COMT: variants seen among roughly 807,000 people sequenced by gnomAD.
COMT encodes the protein catechol O-methyltransferase.
COMT carries 13 observed loss-of-function variants against 18.9 expected under a neutral mutation model. That is an observed-to-expected ratio of 0.69 (90% CI 0.45 to 1.09). The LOEUF (loss-of-function observed/expected upper bound fraction) is 1.09, where lower values mean the gene tolerates loss of function less well. COMT is among the 50% of genes least tolerant of loss of function. The pLI is 0.00. For missense variants in COMT, 329 were observed against 361.8 expected (o/e 0.91, Z 0.73); for synonymous variants, 150 against 160.9 (o/e 0.93, Z 0.51).
At chr22:19,967,147 CTGTT>C (rs1942445147) in intron 5 of COMT, 1 of 1,299,654 alleles carries the variant, frequency 7.7e-7, no homozygotes, top group Non-Finnish European at 1.0e-6. Flanking sequence ...TCCTTCTTTC[CTGTT>C]TAACTCGTGC....
chr22:19,962,399 G>A, intron 2 of COMT, 128 bp from the exon 3 acceptor site: 1 of 1,479,784 alleles, frequency 6.8e-7, no homozygotes, highest in South Asian at 1.3e-5. Flanking sequence ...TGAGGCACAA[G>A]GCTGGCATTT....
rs766377984 is a variant in COMT, at chr22:19,962,761, A to G, written c.235A>G (p.Ile79Val). The G allele has an allele frequency of 5.6e-6, 9 of 1,612,838 alleles. No homozygotes were observed. The Middle Eastern group carries it at 4.9e-4, about 88-fold the overall frequency. ...PGNAQSVLEA[I>V]DTYCEQKEWA... Reference sequence around the variant, plus strand: ...GAACGCACAGAGCGTGCTGGAGGCCATTGACACCTACTGCGAGCAGAAGGA... The same window carrying G: ...GAACGCACAGAGCGTGCTGGAGGCCGTTGACACCTACTGCGAGCAGAAGGA... The change falls in exon 3 of 6, where the codon ATT becomes GTT. Residue 79 changes from isoleucine (I) to valine (V), a missense_variant. Ile to Val is a conservative substitution (Grantham distance 29). Transcript: ENST00000361682.
chr22:19,954,278 G>C (rs188540887), intron 1 of COMT, among the ~76,000 whole-genome samples: 3 of 149,886 alleles, frequency 2.0e-5, no homozygotes, highest in African/African-American at 4.9e-5. Context: ...GATACCAGGC[G>C]GGGGAGGCTA....
intron 1 of COMT, among the ~76,000 whole-genome samples, chr22:19,952,505 T>C (rs1941963630): frequency 6.6e-6 from 1 of 151,264 alleles, no homozygotes; most frequent in African/African-American, 2.4e-5. Flanking sequence ...CCGGGCGTGG[T>C]GGCGGGCGCC....
intron 1 of COMT, among the ~76,000 whole-genome samples, chr22:19,954,533 A>G (rs1196888542): frequency 6.6e-6 from 1 of 151,856 alleles, no homozygotes; most frequent in African/African-American, 2.4e-5. Context: ...GCTCACTGCA[A>G]CCTCCACCTC....
At chr22:19,959,799 T>G (rs174694) in intron 1 of COMT, among the ~76,000 whole-genome samples, 62 of 145,046 alleles carry the variant, frequency 4.3e-4, no homozygotes, top group African/African-American at 1.1e-3. Context: ...CACTTCCCCA[T>G]CCCCCATGGC....
intron 1 of COMT, among the ~76,000 whole-genome samples, chr22:19,947,761 G>A (rs576903692): frequency 6.6e-6 from 1 of 152,326 alleles, no homozygotes; most frequent in African/African-American, 2.4e-5. Context: ...CACTCCACAA[G>A]AGGTGGTTGA....
chr22:19,957,004 G>A (rs1942078566), intron 1 of COMT, among the ~76,000 whole-genome samples: 1 of 150,514 alleles, frequency 6.6e-6, no homozygotes. Flanking sequence ...AGGCTGGAGT[G>A]CAGTGGCGTG....
rs1015136555 is a variant in COMT, at chr22:19,956,443, C to A, written c.-91-4756C>A. On this transcript the variant is annotated intron_variant, in intron 1 of 5. Coordinates refer to ENST00000361682, the MANE Select transcript of COMT (RefSeq NM_000754.4). The stretch of plus-strand genomic sequence containing the variant: ...CCAGGCTGGAGTGCAATGGAGTGAT[C>A]TTAGCTCCCTGCAACCTCTGCCTCC... Among the ~76,000 whole-genome samples, 108 of 127,082 alleles carry A rather than the reference C, an allele frequency of 8.5e-4. 1 individual carries two copies. Among genetic ancestry groups the A allele is most frequent in the Admixed American group, 4.0e-4 (4 of 10,014 alleles). The allele number at this position is 127,082 out of a possible 152,430, so 83.4% of individuals were successfully genotyped here. A position where few individuals can be genotyped will look rare whatever the true frequency, so the allele number is the denominator to read the frequency against.
chr22:19,967,480 T>A (rs1942478786), intron 5 of COMT: 1 of 442,296 alleles, frequency 2.3e-6, no homozygotes, highest in Non-Finnish European at 4.6e-6. Flanking sequence ...TCCCCTGACC[T>A]CACTGACCTT....
At chr22:19,945,730 A>G (rs999573469) in intron 1 of COMT, among the ~76,000 whole-genome samples, 1 of 152,020 alleles carries the variant, frequency 6.6e-6, no homozygotes, top group Non-Finnish European at 1.5e-5. Context: ...CAGTGGCGTG[A>G]TCTCAGCTCA....
chr22:19,967,347 C>T lies in COMT; in HGVS notation c.616-1189C>T, dbSNP rs139797392. 126 of 594,506 alleles carry T rather than the reference C, an allele frequency of 2.1e-4. 1 individual carries two copies. In the East Asian group the frequency reaches 6.4e-3, roughly 30 times the overall value. 36.8% of individuals were successfully genotyped at this position (594,506 alleles called of 1,614,324 possible). ...AAGGCCTAGGCCATTGTCCTCCTCCCGGGTGGCGCTTTGTTCTACGTCTTT... is the reference window on the plus strand; with the variant it reads ...AAGGCCTAGGCCATTGTCCTCCTCCTGGGTGGCGCTTTGTTCTACGTCTTT... On this transcript the variant is annotated intron_variant, in intron 5 of 5. Transcript: ENST00000361682.
At position 19,969,781 on chromosome 22, in the gene COMT, G is replaced by A; in HGVS notation, c.*1045G>A. 1 of 949,862 alleles carries A rather than the reference G, an allele frequency of 1.1e-6. No homozygotes were observed. 58.8% of individuals were successfully genotyped at this position (949,862 alleles called of 1,614,324 possible). ...AGAAACAGAGCCTCTGCAGGACACAGCAGATGGGCACCTGGGACCACCTCC... is the reference window on the plus strand; with the variant it reads ...AGAAACAGAGCCTCTGCAGGACACAACAGATGGGCACCTGGGACCACCTCC... On this transcript the variant is annotated 3_prime_UTR_variant, in exon 6 of 6. Coordinates refer to ENST00000361682, the MANE Select transcript of COMT (RefSeq NM_000754.4).
intron 1 of COMT, among the ~76,000 whole-genome samples, chr22:19,950,495 G>A (rs919890458): frequency 1.3e-5 from 2 of 152,100 alleles, no homozygotes; most frequent in African/African-American, 2.4e-5. Flanking sequence ...AGACCTTTAC[G>A]ACTTGTTTTG....
In COMT at chr22:19,969,261, C is replaced by G. The variant is rs1942606935; in HGVS notation, c.*525C>G. The G allele has an allele frequency of 6.4e-6, 1 of 155,328 alleles. No homozygotes were observed. Among genetic ancestry groups the G allele is most frequent in the Non-Finnish European group, 1.4e-5 (1 of 70,070 alleles). 9.6% of individuals were successfully genotyped at this position (155,328 alleles called of 1,614,324 possible). A position where few individuals can be genotyped will look rare whatever the true frequency, so the allele number is the denominator to read the frequency against. On this transcript the variant is annotated 3_prime_UTR_variant, in exon 6 of 6. Coordinates refer to ENST00000361682, the MANE Select transcript of COMT (RefSeq NM_000754.4). ...TAGCCCCATGGGGACGACTGCCGGC[C>G]TGGGAAACGAAGAGGAGTCAGCCAG...
At position 19,967,334 on chromosome 22, in the gene COMT, A is replaced by G. The variant is rs779620718; in HGVS notation, c.616-1202A>G. 9 of 648,158 alleles carry G rather than the reference A, an allele frequency of 1.4e-5. No homozygotes were observed. In the East Asian group the frequency reaches 6.0e-4, roughly 43 times the overall value. 40.2% of individuals were successfully genotyped at this position (648,158 alleles called of 1,614,324 possible). A position where few individuals can be genotyped will look rare whatever the true frequency, so the allele number is the denominator to read the frequency against. On this transcript the variant is annotated intron_variant, in intron 5 of 5. Coordinates refer to ENST00000361682, the MANE Select transcript of COMT (RefSeq NM_000754.4). ...AGCCGCCCTGCTCAAGGCCTAGGCC[A>G]TTGTCCTCCTCCCGGGTGGCGCTTT...
At chr22:19,956,400 G>A (rs1942065651) in intron 1 of COMT, among the ~76,000 whole-genome samples, 2 of 131,126 alleles carry the variant, frequency 1.5e-5, no homozygotes, top group African/African-American at 2.9e-5. Flanking sequence ...TTTTTGAGAC[G>A]GAGTCTCGCT....
intron 1 of COMT, among the ~76,000 whole-genome samples, chr22:19,945,826 C>T (rs187514304): frequency 6.6e-5 from 10 of 152,116 alleles, no homozygotes; most frequent in East Asian, 5.8e-4. Flanking sequence ...CCACCACGCC[C>T]GGCTAATTTT....
intron 5 of COMT, chr22:19,967,681 C>A (rs763641148): frequency 1.1e-5 from 3 of 278,326 alleles, no homozygotes; most frequent in Non-Finnish European, 2.1e-5. Flanking sequence ...TTTTATTATA[C>A]TTTAGATGTT....
Sources: allele counts gnomAD v4.1 joint callset (sites outside exome capture counted in the v4.1 genomes callset), GRCh38; gene constraint gnomAD v4.1.1; transcripts MANE v1.5; gene names NCBI Gene and HGNC (gene_info 2026-07-23, HGNC 2026-07-21).